The following ADIPOR2 variants were observed in gnomAD, a reference collection of about 807,000 sequenced individuals.
ADIPOR2 encodes the protein adiponectin receptor protein 2.
A neutral mutation model predicts 40.9 loss-of-function variants in ADIPOR2; 18 were observed. The ratio of observed to expected loss-of-function variants is 0.44; its 90% confidence interval spans 0.30 to 0.65. The LOEUF is 0.65. Ranked by LOEUF, ADIPOR2 falls within the 30% of genes least tolerant of loss-of-function variation. ADIPOR2 has a pLI of 0.09. For synonymous variants in ADIPOR2, 165 were observed against 166.4 expected, an observed-to-expected ratio of 0.99 and a Z score of 0.06; for missense variants, 283 against 479.2, an observed-to-expected ratio of 0.59 and a Z score of 3.82.
At chr12:1,734,536 A>G (rs1270677690) in intron 1 of ADIPOR2, among the ~76,000 whole-genome samples, 2 of 152,172 alleles carry the variant, frequency 1.3e-5, no homozygotes, top group African/African-American at 4.8e-5. Flanking sequence ...AGTAGATTGC[A>G]AAAGTTTTCT....
At position 1,786,197 on chromosome 12, in the gene ADIPOR2, G is replaced by A; in HGVS notation, c.*125G>A. On this transcript the variant is annotated 3_prime_UTR_variant, in exon 8 of 8. Transcript: ENST00000357103. ...ACTTTGACAGCCTCGTGGGCTTTGT[G>A]ACGGCCCAGTGGCTCTGCGTGGTAC... 1 of 1,305,996 alleles carries A rather than the reference G, an allele frequency of 7.7e-7. No individual in the cohort carries two copies. The highest frequency in any genetic ancestry group is 1.1e-6 in the Non-Finnish European group (1 of 951,438). 80.9% of individuals were successfully genotyped at this position (1,305,996 alleles called of 1,614,324 possible). A position where few individuals can be genotyped will look rare whatever the true frequency, so the allele number is the denominator to read the frequency against.
At chr12:1,743,526 T>C (rs1284363312) in intron 1 of ADIPOR2, among the ~76,000 whole-genome samples, 1 of 152,008 alleles carries the variant, frequency 6.6e-6, no homozygotes, top group African/African-American at 2.4e-5. Context: ...AAAAATTAGC[T>C]GGGTGTGGTG....
At chr12:1,710,193 G>A (rs2094673427) in intron 1 of ADIPOR2, among the ~76,000 whole-genome samples, 1 of 152,146 alleles carries the variant, frequency 6.6e-6, no homozygotes, top group South Asian at 2.1e-4. Context: ...GGATATGGGC[G>A]GGGATAAATA....
chr12:1,700,911 T>G (rs941194539), intron 1 of ADIPOR2, among the ~76,000 whole-genome samples: 13 of 151,884 alleles, frequency 8.6e-5, no homozygotes, highest in African/African-American at 3.1e-4. Flanking sequence ...CCAATATATG[T>G]TTTTTTTCCT....
chr12:1,781,502 C>T (rs1657209969), intron 6 of ADIPOR2, among the ~76,000 whole-genome samples: 2 of 152,074 alleles, frequency 1.3e-5, no homozygotes, highest in Admixed American at 1.3e-4. Context: ...GGATAATCTG[C>T]TTAAGGCTTC....
intron 1 of ADIPOR2, among the ~76,000 whole-genome samples, chr12:1,701,334 C>T (rs1279477088): frequency 6.6e-6 from 1 of 151,916 alleles, no homozygotes; most frequent in East Asian, 1.9e-4. Context: ...CGCCTGTTGC[C>T]CAGGCTGGTC....
At chr12:1,694,532 A>G (rs569289036) in intron 1 of ADIPOR2, among the ~76,000 whole-genome samples, 35 of 152,322 alleles carry the variant, frequency 2.3e-4, no homozygotes, top group African/African-American at 3.4e-4. Flanking sequence ...TGTTTGGGGA[A>G]TAAAGACAAG....
intron 1 of ADIPOR2, among the ~76,000 whole-genome samples, chr12:1,724,536 G>A (rs1242603022): frequency 2.0e-5 from 3 of 152,148 alleles, no homozygotes; most frequent in Non-Finnish European, 4.4e-5. Context: ...TTTCAGTTTT[G>A]CAAGTTGTAG....
intron 1 of ADIPOR2, among the ~76,000 whole-genome samples, chr12:1,751,696 T>A (rs1479407950): frequency 6.6e-6 from 1 of 150,764 alleles, no homozygotes; most frequent in Non-Finnish European, 1.5e-5. Context: ...AAAAATTTTT[T>A]TTTTTGTAGA....
At chr12:1,702,997 T>C (rs2094653608) in intron 1 of ADIPOR2, 2 of 152,248 alleles carry the variant, frequency 1.3e-5, no homozygotes, top group Non-Finnish European at 2.9e-5. Context: ...GTAAGCCTTC[T>C]TGTGAATTGT....
intron 1 of ADIPOR2, among the ~76,000 whole-genome samples, chr12:1,722,067 C>T (rs568054789): frequency 3.2e-4 from 49 of 152,252 alleles, no homozygotes; most frequent in African/African-American, 1.1e-3. Flanking sequence ...CGTGTGAAGA[C>T]TGGATTCTGA....
chr12:1,744,641 TGA>T, intron 1 of ADIPOR2, among the ~76,000 whole-genome samples: 1 of 152,314 alleles, frequency 6.6e-6, no homozygotes, highest in East Asian at 1.9e-4. Flanking sequence ...CTGACCTACT[TGA>T]AAATTCTTAA....
At chr12:1,729,625 T>TTG in intron 1 of ADIPOR2, among the ~76,000 whole-genome samples, 1 of 40,072 alleles carries the variant, frequency 2.5e-5, no homozygotes, top group South Asian at 1.1e-3. Context: ...TTGTTTTTTT[T>TTG]TTTTTTTTTT....
chr12:1,729,295 ATATT>A (rs1055478622), intron 1 of ADIPOR2, among the ~76,000 whole-genome samples: 2 of 152,028 alleles, frequency 1.3e-5, no homozygotes, highest in African/African-American at 4.8e-5. Context: ...GAGAAAGGAA[ATATT>A]TCTAGACTTT....
intron 1 of ADIPOR2, among the ~76,000 whole-genome samples, chr12:1,720,697 T>C (rs911434016): frequency 1.7e-4 from 26 of 152,200 alleles, no homozygotes; most frequent in African/African-American, 6.0e-4. Flanking sequence ...ATGAAGCTTT[T>C]GAGCCCCTCC....
chr12:1,693,287 C>T (rs1445940625), intron 1 of ADIPOR2, among the ~76,000 whole-genome samples: 2 of 100,950 alleles, frequency 2.0e-5, no homozygotes, highest in African/African-American at 5.5e-5. Flanking sequence ...TGGCCTGTAA[C>T]ACCTTATATT....
At chr12:1,708,008 T>G (rs1361774730) in intron 1 of ADIPOR2, among the ~76,000 whole-genome samples, 1 of 151,690 alleles carries the variant, frequency 6.6e-6, no homozygotes, top group Non-Finnish European at 1.5e-5. Context: ...CATCCACAGA[T>G]TTAACGAATC....
At chr12:1,762,089 C>G (rs534974201) in intron 2 of ADIPOR2, among the ~76,000 whole-genome samples, 1 of 152,184 alleles carries the variant, frequency 6.6e-6, no homozygotes, top group Non-Finnish European at 1.5e-5. Context: ...TGGGCTCTTT[C>G]CAGCTTCAGA....
In ADIPOR2 at chr12:1,770,278, C is replaced by T. The variant is rs76796036; in HGVS notation, c.172-2564C>T. 1.3e-3 allele frequency among the ~76,000 whole-genome samples: 194 copies of T among 152,176 alleles called. 2 individuals are homozygous for T. In the East Asian group the frequency reaches 0.017, roughly 13 times the overall value. On this transcript the variant is annotated intron_variant, in intron 2 of 7. Coordinates refer to ENST00000357103, the MANE Select transcript of ADIPOR2 (RefSeq NM_024551.3). ...GATTACTTACTGAGTCACATTGATT[C>T]GGAGTGCAGTTTCATCATGTTTACT...
Sources: gnomAD v4.1 joint callset for allele counts (sites outside exome capture counted in the v4.1 genomes callset) on GRCh38, gnomAD v4.1.1 for gene constraint, MANE v1.5 for transcripts, NCBI Gene and HGNC (gene_info 2026-07-23, HGNC 2026-07-21) for gene names.